Variants in SCFD2 observed in about 807,000 individuals in gnomAD.
SCFD2 encodes sec1 family domain-containing protein 2.
In SCFD2, 54 loss-of-function variants were observed where a neutral mutation model predicts 58.9. The ratio of observed to expected loss-of-function variants is 0.92; its 90% confidence interval spans 0.74 to 1.15. The LOEUF is 1.15. Among genes scored for constraint, SCFD2 ranks in the 50% most tolerant of loss-of-function variants. The probability of loss-of-function intolerance (pLI) is 0.00; values close to 1 mark genes in which losing one functional copy is unlikely to be tolerated. For missense variants in SCFD2, 805 were observed against 836.6 expected (o/e 0.96, Z 0.47); for synonymous variants, 321 against 335.9 (o/e 0.96, Z 0.49).
chr4:53,022,372 T>C lies in SCFD2; in HGVS notation c.1562-101502A>G, dbSNP rs573122890. Among the ~76,000 whole-genome samples the C allele has an allele frequency of 1.2e-4, 19 of 152,312 alleles. 1 individual carries two copies. The South Asian group carries it at 3.7e-3, about 30-fold the overall frequency. On this transcript the variant is annotated intron_variant, in intron 5 of 8. Transcript: ENST00000401642. Reference sequence around the variant, plus strand: ...CCCCCATCTAGGGCCTCTAAGGTCATTGAAGGCTCACATTAAATCAGGCAG... The same window carrying C: ...CCCCCATCTAGGGCCTCTAAGGTCACTGAAGGCTCACATTAAATCAGGCAG...
chr4:53,247,907 T>C (rs1369151457), intron 4 of SCFD2, among the ~76,000 whole-genome samples: 2 of 149,794 alleles, frequency 1.3e-5, no homozygotes, highest in African/African-American at 4.9e-5. Flanking sequence ...CAAGATCATG[T>C]TTGGGGGAGG....
intron 3 of SCFD2, among the ~76,000 whole-genome samples, chr4:53,283,392 CTATCA>C (rs1245447130): frequency 1.3e-5 from 2 of 152,090 alleles, no homozygotes; most frequent in Non-Finnish European, 2.9e-5. Context: ...TTGGCTGGGG[CTATCA>C]TAAATACTGA....
chr4:53,145,516 G>A lies in SCFD2; in HGVS notation c.1378C>T (p.Gln460Ter). The part of the protein sequence containing the change: ...QLLPMIKPVT[Q>*]RTNEDYSPEE... ...GGGCTGTAGTCCTCGTTGGTTCTCTGGGTTACAGGCTTAATCATGGGCAGC... is the reference window on the plus strand; with the variant it reads ...GGGCTGTAGTCCTCGTTGGTTCTCTAGGTTACAGGCTTAATCATGGGCAGC... The change falls in exon 5 of 9, where the codon CAG becomes TAG. Residue 460 changes from glutamine to a stop codon, truncating the protein, a stop_gained. Transcript: ENST00000401642. LOFTEE classifies it high-confidence loss of function. 6.2e-7 allele frequency: 1 copy of A among 1,614,042 alleles called. No homozygotes were observed.
chr4:53,009,830 C>T (rs1039604629), intron 5 of SCFD2, among the ~76,000 whole-genome samples: 3 of 152,164 alleles, frequency 2.0e-5, no homozygotes, highest in African/African-American at 7.2e-5. Context: ...TCTGGAGGAA[C>T]AAGTTTGGAA....
At chr4:53,100,719 G>T (rs1293587858) in intron 5 of SCFD2, among the ~76,000 whole-genome samples, 1 of 152,162 alleles carries the variant, frequency 6.6e-6, no homozygotes, top group East Asian at 1.9e-4. Flanking sequence ...CAAGATTACA[G>T]AAACTGAATT....
intron 5 of SCFD2, among the ~76,000 whole-genome samples, chr4:52,964,155 A>AAAGCCTCC (rs1250173297): frequency 1.3e-5 from 2 of 152,208 alleles, no homozygotes; most frequent in African/African-American, 4.8e-5. Context: ...TTAGAAATGG[A>AAAGCCTCC]AAGCCTCCAA....
chr4:53,210,974 G>A (rs1299260098), intron 4 of SCFD2, among the ~76,000 whole-genome samples: 2 of 152,056 alleles, frequency 1.3e-5, no homozygotes, highest in Non-Finnish European at 2.9e-5. Context: ...GCCAGGCATG[G>A]TGGCTTACTC....
intron 2 of SCFD2, among the ~76,000 whole-genome samples, chr4:53,336,325 T>C (rs906265662): frequency 1.3e-5 from 2 of 152,164 alleles, no homozygotes; most frequent in African/African-American, 4.8e-5. Flanking sequence ...TATTATTCTA[T>C]TTATCGAATG....
intron 5 of SCFD2, among the ~76,000 whole-genome samples, chr4:53,064,536 A>G (rs1416482230): frequency 1.3e-5 from 2 of 152,110 alleles, no homozygotes; most frequent in African/African-American, 4.8e-5. Flanking sequence ...TTCAATACCA[A>G]TCTCTTGGAA....
At chr4:52,925,457 G>C (rs1560482836) in intron 5 of SCFD2, among the ~76,000 whole-genome samples, 1 of 151,784 alleles carries the variant, frequency 6.6e-6, no homozygotes, top group Non-Finnish European at 1.5e-5. Context: ...TTTTTGGGAA[G>C]ACCTGGGCCT....
intron 4 of SCFD2, among the ~76,000 whole-genome samples, chr4:53,186,974 C>G (rs995370878): frequency 1.4e-4 from 21 of 151,380 alleles, no homozygotes; most frequent in African/African-American, 4.4e-4. Context: ...CAAAACAAAC[C>G]AATTAAGGAA....
intron 4 of SCFD2, among the ~76,000 whole-genome samples, chr4:53,202,942 T>G (rs1728295843): frequency 6.6e-6 from 1 of 152,220 alleles, no homozygotes; most frequent in Non-Finnish European, 1.5e-5. Context: ...ACAATGGGGT[T>G]ATCTAGATAT....
intron 4 of SCFD2, among the ~76,000 whole-genome samples, chr4:53,179,025 T>G (rs1727447208): frequency 6.6e-6 from 1 of 152,204 alleles, no homozygotes; most frequent in South Asian, 2.1e-4. Context: ...TACATCTGAT[T>G]GGTGTACCTG....
At chr4:53,167,270 C>A (rs558274877) in intron 4 of SCFD2, among the ~76,000 whole-genome samples, 1 of 152,300 alleles carries the variant, frequency 6.6e-6, no homozygotes, top group East Asian at 1.9e-4. Flanking sequence ...TAGGACTTAG[C>A]CTACCACCTT....
intron 3 of SCFD2, among the ~76,000 whole-genome samples, chr4:53,277,221 A>T (rs1255857940): frequency 2.0e-5 from 3 of 152,238 alleles, no homozygotes; most frequent in African/African-American, 7.2e-5. Flanking sequence ...CTTACGTGTC[A>T]TTCTCTCTAA....
intron 5 of SCFD2, among the ~76,000 whole-genome samples, chr4:53,129,110 G>C (rs1237226921): frequency 6.6e-6 from 1 of 152,226 alleles, no homozygotes; most frequent in African/African-American, 2.4e-5. Context: ...GGAAATGTAA[G>C]TTGCTAATGA....
intron 4 of SCFD2, among the ~76,000 whole-genome samples, chr4:53,215,204 C>T (rs1450945907): frequency 1.3e-5 from 2 of 152,016 alleles, no homozygotes; most frequent in Non-Finnish European, 2.9e-5. Context: ...TCATTGGTAG[C>T]TTGATGGGGA....
In SCFD2 at chr4:52,941,456, C is replaced by G. The variant is rs141888020; in HGVS notation, c.1562-20586G>C. Among the ~76,000 whole-genome samples, 6 of 152,328 alleles carry G rather than the reference C, an allele frequency of 3.9e-5. 1 individual carries two copies. Among genetic ancestry groups the G allele is most frequent in the South Asian group, 2.1e-4 (1 of 4,824 alleles). On this transcript the variant is annotated intron_variant, in intron 5 of 8. Transcript: ENST00000401642. The stretch of plus-strand genomic sequence containing the variant: ...AGAGGCTGGAAAACTAAACACTCAA[C>G]TTCTTGGACTCCTTGCCCAGAAGCT...
At chr4:53,218,675 T>C (rs1314555038) in intron 4 of SCFD2, among the ~76,000 whole-genome samples, 1 of 152,364 alleles carries the variant, frequency 6.6e-6, no homozygotes, top group East Asian at 1.9e-4. Context: ...CTTTCTTCCG[T>C]TGCTGGCGAC....
Sources: allele counts gnomAD v4.1 joint callset (sites outside exome capture counted in the v4.1 genomes callset), GRCh38; gene constraint gnomAD v4.1.1; transcripts MANE v1.5; gene names NCBI Gene and HGNC (gene_info 2026-07-23, HGNC 2026-07-21).